Variants in ERBB4 observed in about 807,000 individuals in gnomAD.
ERBB4 encodes the protein erb-b2 receptor tyrosine kinase 4, also known as receptor tyrosine-protein kinase erbB-4.
Under a neutral mutation model 158.0 loss-of-function variants are expected in ERBB4, and 42 were observed. The ratio of observed to expected loss-of-function variants is 0.27; its 90% CI spans 0.21 to 0.34. The LOEUF (loss-of-function observed/expected upper bound fraction) is 0.34, where lower values mean the gene tolerates loss of function less well. Ranked by LOEUF, ERBB4 falls within the 10% of genes least tolerant of loss-of-function variation. The probability of loss-of-function intolerance (pLI) is 1.00; values close to 1 mark genes in which losing one functional copy is unlikely to be tolerated. For synonymous variants in ERBB4, 583 were observed against 558.7 expected (o/e 1.04, Z -0.61); for missense variants, 1,333 against 1,624.1 (o/e 0.82, Z 3.08).
At chr2:212,169,398 C>G (rs984124524) in intron 1 of ERBB4, among the ~76,000 whole-genome samples, 2 of 151,982 alleles carry the variant, frequency 1.3e-5, no homozygotes, top group Non-Finnish European at 2.9e-5. Context: ...CTGACAAAAA[C>G]AAGCAATGGG....
rs182212951 is a variant in ERBB4, at chr2:212,463,663, G to A, written c.82+74786C>T. ...TTATTCTGCATTAGTGTTCTTCTACGTGGTAAAATGATACGTTACAATGCC... is the reference window on the plus strand; with the variant it reads ...TTATTCTGCATTAGTGTTCTTCTACATGGTAAAATGATACGTTACAATGCC... On this transcript the variant is annotated intron_variant, in intron 1 of 27. Transcript: ENST00000342788. Among the ~76,000 whole-genome samples the A allele has an allele frequency of 3.3e-5, 5 of 152,096 alleles. No homozygotes were observed. The South Asian group carries it at 6.2e-4, about 19-fold the overall frequency.
intron 20 of ERBB4, among the ~76,000 whole-genome samples, chr2:211,516,356 C>T (rs370273279): frequency 6.8e-5 from 10 of 148,126 alleles, no homozygotes; most frequent in South Asian, 2.1e-4. Flanking sequence ...CTTTTTTGGA[C>T]GGAGTCTCAC....
chr2:211,767,765 G>C (rs1240495011), intron 4 of ERBB4, among the ~76,000 whole-genome samples: 1 of 152,090 alleles, frequency 6.6e-6, no homozygotes, highest in Non-Finnish European at 1.5e-5. Context: ...ACCTCCCACT[G>C]GGTCCCTCCT....
intron 2 of ERBB4, among the ~76,000 whole-genome samples, chr2:212,102,647 G>A (rs117055867): frequency 3.0e-3 from 462 of 152,152 alleles, no homozygotes; most frequent in Admixed American, 9.8e-3. Context: ...GTTAAATATC[G>A]TAAGTAATAA....
intron 1 of ERBB4, among the ~76,000 whole-genome samples, chr2:212,389,231 C>G (rs1377488767): frequency 6.6e-6 from 1 of 151,866 alleles, no homozygotes; most frequent in African/African-American, 2.4e-5. Context: ...AAAGAGGAGA[C>G]AAAAAGTATG....
At chr2:211,500,229 T>C (rs1425264845) in intron 20 of ERBB4, among the ~76,000 whole-genome samples, 1 of 152,164 alleles carries the variant, frequency 6.6e-6, no homozygotes, top group East Asian at 1.9e-4. Flanking sequence ...TTTAAAAGGG[T>C]ATAATTTAAG....
chr2:212,260,081 A>AAAAAG (rs1553606476), intron 1 of ERBB4, among the ~76,000 whole-genome samples: 12,077 of 148,666 alleles, frequency 0.081, 1,030 homozygotes, highest in African/African-American at 0.22. Flanking sequence ...AAAAAAAAAA[A>AAAAAG]AAAAGAAAAG....
At chr2:212,007,098 T>TCAATATGC (rs1454051222) in intron 2 of ERBB4, among the ~76,000 whole-genome samples, 1 of 152,008 alleles carries the variant, frequency 6.6e-6, no homozygotes, top group Admixed American at 6.6e-5. Context: ...CTGATTGCTG[T>TCAATATGC]CAATATGCCA....
At chr2:212,537,104 T>C (rs1320662806) in intron 1 of ERBB4, among the ~76,000 whole-genome samples, 1 of 151,246 alleles carries the variant, frequency 6.6e-6, no homozygotes, top group Non-Finnish European at 1.5e-5. Flanking sequence ...GACTCGATAA[T>C]TGTAACTTGT....
intron 2 of ERBB4, among the ~76,000 whole-genome samples, chr2:212,116,591 G>A (rs1035027009): frequency 2.6e-5 from 4 of 152,104 alleles, no homozygotes. Context: ...GGGATTACAG[G>A]CATGTGCCGC....
At chr2:212,018,303 G>C (rs1364627639) in intron 2 of ERBB4, among the ~76,000 whole-genome samples, 2 of 152,166 alleles carry the variant, frequency 1.3e-5, no homozygotes, top group Non-Finnish European at 2.9e-5. Flanking sequence ...AAGAATACAA[G>C]GGTCTCAGCA....
At chr2:211,461,664 G>A (rs2064534274) in intron 20 of ERBB4, among the ~76,000 whole-genome samples, 1 of 152,122 alleles carries the variant, frequency 6.6e-6, no homozygotes, top group South Asian at 2.1e-4. Flanking sequence ...CTAAGCATAT[G>A]CATCCACAGA....
chr2:212,069,124 T>C (rs1049172372), intron 2 of ERBB4, among the ~76,000 whole-genome samples: 32 of 152,180 alleles, frequency 2.1e-4, no homozygotes, highest in Admixed American at 1.8e-3. Context: ...AGGTATGTCT[T>C]TATTAGCAGT....
At chr2:211,728,136 A>G (rs2074323784) in intron 5 of ERBB4, among the ~76,000 whole-genome samples, 1 of 151,760 alleles carries the variant, frequency 6.6e-6, no homozygotes, top group Non-Finnish European at 1.5e-5. Context: ...AATTTTTCCC[A>G]ATCAACTGAC....
At chr2:211,983,830 G>T (rs138110359) in intron 2 of ERBB4, among the ~76,000 whole-genome samples, 10 of 152,206 alleles carry the variant, frequency 6.6e-5, no homozygotes, top group Non-Finnish European at 1.3e-4. Flanking sequence ...TATTGTGGAA[G>T]TTATCAATAA....
At chr2:212,048,018 G>T (rs932388265) in intron 2 of ERBB4, among the ~76,000 whole-genome samples, 1 of 152,124 alleles carries the variant, frequency 6.6e-6, no homozygotes, top group Non-Finnish European at 1.5e-5. Flanking sequence ...GAGAGACTTC[G>T]TTGGGGTATG....
intron 3 of ERBB4, among the ~76,000 whole-genome samples, chr2:211,931,918 C>G (rs545599223): frequency 6.6e-6 from 1 of 152,194 alleles, no homozygotes; most frequent in South Asian, 2.1e-4. Flanking sequence ...GTTCTAAACA[C>G]TATGCTAGGC....
intron 1 of ERBB4, among the ~76,000 whole-genome samples, chr2:212,141,658 TTC>T (rs1389922725): frequency 6.6e-6 from 1 of 152,032 alleles, no homozygotes; most frequent in Non-Finnish European, 1.5e-5. Context: ...CAGTCAACTA[TTC>T]TCTCTTTCCA....
chr2:211,454,543 TTCTC>T (rs200602976), intron 20 of ERBB4, among the ~76,000 whole-genome samples: 9 of 151,440 alleles, frequency 5.9e-5, no homozygotes, highest in Non-Finnish European at 8.9e-5. Context: ...GCAAATGCAT[TTCTC>T]TCTCTCTCTC....
Sources: gnomAD v4.1 joint callset for allele counts (sites outside exome capture counted in the v4.1 genomes callset) on GRCh38, gnomAD v4.1.1 for gene constraint, MANE v1.5 for transcripts, NCBI Gene and HGNC (gene_info 2026-07-23, HGNC 2026-07-21) for gene names.